CDC42BPA: variants seen among roughly 807,000 people sequenced by gnomAD.
The protein encoded by CDC42BPA is CDC42 binding protein kinase alpha, also known as serine/threonine-protein kinase MRCK alpha.
Under a neutral mutation model 223.5 loss-of-function variants are expected in CDC42BPA, and 80 were observed. The observed-to-expected ratio is 0.36, with a 90% CI of 0.30 to 0.43. CDC42BPA has a LOEUF of 0.43. Among genes scored for constraint, CDC42BPA ranks in the 20% least tolerant of loss-of-function variants. CDC42BPA has a pLI of 1.00. For synonymous variants in CDC42BPA, 694 were observed against 718.6 expected (o/e 0.97, Z 0.55); for missense variants, 1,743 against 2,099.9 (o/e 0.83, Z 3.32).
chr1:227,226,268 C>T (rs1676850286), intron 2 of CDC42BPA, among the ~76,000 whole-genome samples: 1 of 152,176 alleles, frequency 6.6e-6, no homozygotes, highest in South Asian at 2.1e-4. Flanking sequence ...CAAGTCAGAA[C>T]CCAACTTTGC....
At chr1:227,035,696 T>A (rs529651821) in intron 24 of CDC42BPA, 89 bp from the exon 25 acceptor site, 1 of 843,512 alleles carries the variant, frequency 1.2e-6, no homozygotes. Context: ...GATGCTATGT[T>A]AGATGAATGC....
In CDC42BPA at chr1:227,082,307, A is replaced by T. The variant is rs1357794196; in HGVS notation, c.2356-1290T>A. ...AGCCATCTGCCCGCTGTGGCCTCCC[A>T]AATTACTGTGATTACAGGCATGCAC... On this transcript the variant is annotated intron_variant, in intron 16 of 36. Transcript: ENST00000366766. 3.3e-5 allele frequency among the ~76,000 whole-genome samples: 5 copies of T among 152,258 alleles called. No individual in the cohort carries two copies. In the East Asian group the frequency reaches 9.6e-4, roughly 29 times the overall value.
chr1:227,096,577 C>T (rs899961706), intron 15 of CDC42BPA, among the ~76,000 whole-genome samples: 5 of 152,210 alleles, frequency 3.3e-5, no homozygotes, highest in Non-Finnish European at 5.9e-5. Flanking sequence ...TTACATCCAA[C>T]CTGCTGGCCA....
Position 227,031,518 on chromosome 1 carries a change from G to T in CDC42BPA, c.3559-4C>A. 1.2e-6 allele frequency: 2 copies of T among 1,609,816 alleles called. No homozygotes were observed. Among genetic ancestry groups the T allele is most frequent in the South Asian group, 2.2e-5 (2 of 90,942 alleles). On this transcript the variant is annotated splice_region_variant and splice_polypyrimidine_tract_variant and intron_variant, in intron 27 of 36. Transcript: ENST00000366766. ...CTGAGAGCTGGGAAGCTGTGACCTA[G>T]AACAATTTAATCAATATTCATGATA... is the stretch of plus-strand genomic sequence containing the variant.
intron 14 of CDC42BPA, among the ~76,000 whole-genome samples, chr1:227,102,616 A>C (rs1685237064): frequency 6.6e-6 from 1 of 152,158 alleles, no homozygotes; most frequent in South Asian, 2.1e-4. Context: ...ATCAAAACCT[A>C]ACAAAGATAC....
chr1:227,279,305 T>C (rs1687639048), intron 1 of CDC42BPA, among the ~76,000 whole-genome samples: 1 of 152,134 alleles, frequency 6.6e-6, no homozygotes, highest in Admixed American at 6.5e-5. Context: ...CTGGTCTCTT[T>C]TGAAGATGTA....
At chr1:227,103,719 G>A (rs980810761) in intron 14 of CDC42BPA, among the ~76,000 whole-genome samples, 1 of 151,990 alleles carries the variant, frequency 6.6e-6, no homozygotes. Context: ...CATTGGGTAA[G>A]GCAATGATTA....
rs768503352 is a variant in CDC42BPA at position 227,023,337 on chromosome 1, A to G, written c.4541T>C (p.Leu1514Ser). 3.3e-6 allele frequency: 5 copies of G among 1,533,610 alleles called. No homozygotes were observed. Among genetic ancestry groups the G allele is most frequent in the Non-Finnish European group, 8.9e-7 (1 of 1,121,140 alleles). The change falls in exon 32 of 37, where the codon TTA (leucine) becomes TCA (serine). Residue 1514 changes from leucine to serine, a missense_variant. Around this residue, in one of 6 missense-constraint regions of CDC42BPA, gnomAD observed 678 missense variants for 777.5 expected, o/e 0.87. Transcript: ENST00000366766. ...QTLPLKKVRPLNNEGSLNLLG... is the reference protein window; with the variant it reads ...QTLPLKKVRPSNNEGSLNLLG... Reference sequence around the variant, plus strand: ...AAGATTTAATGATCCTTCATTGTTTAAGGGTCGAACCTAAAATAAAAGACA... The same window carrying G: ...AAGATTTAATGATCCTTCATTGTTTGAGGGTCGAACCTAAAATAAAAGACA...
At chr1:227,144,347 A>C (rs774423139) in intron 8 of CDC42BPA, among the ~76,000 whole-genome samples, 31 of 151,944 alleles carry the variant, frequency 2.0e-4, no homozygotes, top group Non-Finnish European at 3.5e-4. Context: ...GAGGCTGAGG[A>C]GGGCGGATCA....
At position 227,029,107 on chromosome 1, in the gene CDC42BPA, A is replaced by G. The variant is rs768565672; in HGVS notation, c.3982T>C (p.Tyr1328His). The change falls in exon 30 of 37, where the codon TAC becomes CAC. Residue 1328 changes from tyrosine (Y) to histidine (H), a missense_variant. By Grantham distance (83) the Tyr-to-His change is moderately conservative. Transcript: ENST00000366766. Reference protein sequence around the residue: ...SALDGRETDFYKLSETKGCQT... With the variant: ...SALDGRETDFHKLSETKGCQT... Reference sequence around the variant, plus strand: ...CACCCTTTAGTTTCTGACAGCTTGTAAAAATCGGTCTCTCGCCCATCCAAT... The same window carrying G: ...CACCCTTTAGTTTCTGACAGCTTGTGAAAATCGGTCTCTCGCCCATCCAAT... 37 of 1,613,052 alleles carry G rather than the reference A, an allele frequency of 2.3e-5. No homozygotes were observed. The South Asian group carries it at 4.0e-4, about 17-fold the overall frequency.
chr1:227,022,894 A>G (rs548938763), intron 32 of CDC42BPA, among the ~76,000 whole-genome samples: 1 of 152,336 alleles, frequency 6.6e-6, no homozygotes, highest in South Asian at 2.1e-4. Flanking sequence ...GTTCCTGAAG[A>G]CATATTCCTC....
At chr1:227,185,368 G>A (rs924588922) in intron 5 of CDC42BPA, among the ~76,000 whole-genome samples, 1 of 152,100 alleles carries the variant, frequency 6.6e-6, no homozygotes. Flanking sequence ...CTAACATGGC[G>A]ATTCCCACCG....
At chr1:227,289,839 G>A (rs1689400500) in intron 1 of CDC42BPA, among the ~76,000 whole-genome samples, 1 of 146,110 alleles carries the variant, frequency 6.8e-6, no homozygotes, top group Admixed American at 7.1e-5. Flanking sequence ...GACTACTAGG[G>A]CTAGGAGTTC....
chr1:227,063,306 T>C (rs750163467), intron 21 of CDC42BPA, among the ~76,000 whole-genome samples: 1 of 152,086 alleles, frequency 6.6e-6, no homozygotes, highest in Non-Finnish European at 1.5e-5. Context: ...GTATTTCATA[T>C]ATAGGTCCAT....
intron 6 of CDC42BPA, among the ~76,000 whole-genome samples, chr1:227,151,127 T>C (rs1661670407): frequency 6.6e-6 from 1 of 152,076 alleles, no homozygotes; most frequent in African/African-American, 2.4e-5. Context: ...TCTTGGAAAA[T>C]TTTAACTCTG....
At chr1:227,305,600 C>T (rs1184947441) in intron 1 of CDC42BPA, among the ~76,000 whole-genome samples, 1 of 152,200 alleles carries the variant, frequency 6.6e-6, no homozygotes, top group Non-Finnish European at 1.5e-5. Context: ...AGTTCATATA[C>T]TTCAAGGATT....
chr1:227,065,871 A>G (rs1021581757), intron 21 of CDC42BPA, among the ~76,000 whole-genome samples: 1 of 152,230 alleles, frequency 6.6e-6, no homozygotes, highest in Admixed American at 6.5e-5. Context: ...ATTCTAGTCA[A>G]TACTAGTCTT....
intron 20 of CDC42BPA, among the ~76,000 whole-genome samples, chr1:227,070,550 A>T (rs1398707783): frequency 6.6e-6 from 1 of 151,886 alleles, no homozygotes; most frequent in African/African-American, 2.4e-5. Flanking sequence ...TTAGGAATTG[A>T]CATCAGCTGA....
At chr1:227,125,617 A>C (rs2149480385) in intron 11 of CDC42BPA, among the ~76,000 whole-genome samples, 1 of 151,430 alleles carries the variant, frequency 6.6e-6, no homozygotes, top group East Asian at 1.9e-4. Context: ...AAAAAAAAAA[A>C]AAAAAGAGTG....
Sources: allele counts gnomAD v4.1 joint callset (sites outside exome capture counted in the v4.1 genomes callset), GRCh38; gene constraint gnomAD v4.1.1; regional missense constraint gnomAD v4.1.1; transcripts MANE v1.5; gene names NCBI Gene and HGNC (gene_info 2026-07-23, HGNC 2026-07-21).